The following MCC variants were observed in gnomAD, a reference collection of about 807,000 sequenced individuals.
MCC encodes the protein colorectal mutant cancer protein.
Under a neutral mutation model 116.2 loss-of-function variants are expected in MCC, and 90 were observed. The ratio of observed to expected loss-of-function variants is 0.77; its 90% confidence interval spans 0.65 to 0.92. The LOEUF is 0.92. MCC is among the 40% of genes least tolerant of loss of function. The pLI is 0.00. For missense variants in MCC, 1,516 were observed against 1,312.2 expected, an observed-to-expected ratio of 1.16 and a Z score of -2.40; for synonymous variants, 578 against 510.5, an observed-to-expected ratio of 1.13 and a Z score of -1.78.
intron 3 of MCC, among the ~76,000 whole-genome samples, chr5:113,336,279 A>C (rs1428304888): frequency 1.3e-5 from 2 of 151,730 alleles, no homozygotes; most frequent in African/African-American, 4.9e-5. Flanking sequence ...AAACCATAGC[A>C]GGCACTATGC....
At chr5:113,181,696 C>T (rs140303867) in intron 3 of MCC, among the ~76,000 whole-genome samples, 2 of 152,280 alleles carry the variant, frequency 1.3e-5, no homozygotes, top group African/African-American at 4.8e-5. Flanking sequence ...GAAAATATAA[C>T]AAAAGGCAAA....
chr5:113,217,408 ATTAAG>A (rs1419595421), intron 3 of MCC, among the ~76,000 whole-genome samples: 1 of 152,230 alleles, frequency 6.6e-6, no homozygotes, highest in Non-Finnish European at 1.5e-5. Flanking sequence ...AAAGGACAAT[ATTAAG>A]TTGATTTTTT....
At chr5:113,054,547 C>T (rs557063754) in intron 14 of MCC, among the ~76,000 whole-genome samples, 5 of 152,300 alleles carry the variant, frequency 3.3e-5, no homozygotes, top group East Asian at 3.9e-4. Context: ...CTGTGGCAGC[C>T]GTCCCTGCGG....
At chr5:113,290,698 C>G (rs761705421) in intron 3 of MCC, among the ~76,000 whole-genome samples, 40 of 152,134 alleles carry the variant, frequency 2.6e-4, no homozygotes, top group Non-Finnish European at 3.8e-4. Context: ...GTCACGACCA[C>G]GAAGAATATG....
chr5:113,027,236 C>A lies in MCC; in HGVS notation c.*66G>T. ...CCTCCTCCCAACAAGTACATGGGCC[C>A]TTCTGTCCCCAGTGGCCTGCTGCAG... On this transcript the variant is annotated 3_prime_UTR_variant, in exon 19 of 19. Transcript: ENST00000408903. 7 of 1,549,298 alleles carry A rather than the reference C, an allele frequency of 4.5e-6. No individual in the cohort carries two copies. The highest frequency in any genetic ancestry group is 1.8e-4 in the Middle Eastern group (1 of 5,512).
chr5:113,248,813 C>T (rs1764668401), intron 3 of MCC, among the ~76,000 whole-genome samples: 1 of 150,558 alleles, frequency 6.6e-6, no homozygotes, highest in Admixed American at 6.7e-5. Context: ...GCTGCATGTG[C>T]TCTCATTCTC....
intron 1 of MCC, among the ~76,000 whole-genome samples, chr5:113,447,312 C>G (rs900387535): frequency 1.3e-5 from 2 of 152,186 alleles, no homozygotes; most frequent in African/African-American, 4.8e-5. Context: ...TTAGTTGAAG[C>G]ATATGGCTGC....
intron 17 of MCC, among the ~76,000 whole-genome samples, chr5:113,042,305 CAAA>C (rs59401267): frequency 1.8e-4 from 16 of 89,480 alleles, no homozygotes; most frequent in Admixed American, 5.1e-4. Context: ...GACCCTGTCT[CAAA>C]AAAAAAAAAA....
chr5:113,323,499 C>G (rs1767476501), intron 3 of MCC, among the ~76,000 whole-genome samples: 1 of 152,104 alleles, frequency 6.6e-6, no homozygotes, highest in Non-Finnish European at 1.5e-5. Context: ...GTAGGAAGAA[C>G]AGCATTCCCA....
chr5:113,133,918 C>A (rs950533202), intron 5 of MCC, among the ~76,000 whole-genome samples: 3 of 152,158 alleles, frequency 2.0e-5, no homozygotes, highest in Non-Finnish European at 2.9e-5. Flanking sequence ...CTATTCAGAT[C>A]TTTCGCTAAT....
intron 11 of MCC, among the ~76,000 whole-genome samples, chr5:113,073,995 C>T (rs530432177): frequency 8.5e-4 from 130 of 152,372 alleles, no homozygotes; most frequent in African/African-American, 3.1e-3. Context: ...CTTCTGCAGA[C>T]TTAAAAGTCC....
chr5:113,375,416 T>C (rs1488533550), intron 2 of MCC, among the ~76,000 whole-genome samples: 2 of 152,170 alleles, frequency 1.3e-5, no homozygotes, highest in African/African-American at 4.8e-5. Context: ...TAAGGATAAT[T>C]CTCTATGTGT....
chr5:113,209,484 T>C (rs1763042691), intron 3 of MCC, among the ~76,000 whole-genome samples: 1 of 152,204 alleles, frequency 6.6e-6, no homozygotes, highest in African/African-American at 2.4e-5. Context: ...ACAGAATGCA[T>C]ACACTTTATT....
At chr5:113,140,964 G>A (rs893093479) in intron 5 of MCC, among the ~76,000 whole-genome samples, 16 of 152,198 alleles carry the variant, frequency 1.1e-4, no homozygotes, top group African/African-American at 2.2e-4. Context: ...ATGTTAAAGC[G>A]TTGTTTCTAG....
intron 5 of MCC, among the ~76,000 whole-genome samples, chr5:113,127,620 TC>T (rs1448576157): frequency 3.9e-5 from 6 of 152,364 alleles, no homozygotes; most frequent in African/African-American, 1.4e-4. Context: ...GAGCTTTTTT[TC>T]ATATGCTTGT....
At chr5:113,143,556 T>C (rs568360323) in intron 4 of MCC, among the ~76,000 whole-genome samples, 196 bp from the exon 5 acceptor site, 2 of 152,324 alleles carry the variant, frequency 1.3e-5, no homozygotes, top group African/African-American at 2.4e-5. Context: ...CAGTGGATAC[T>C]GGAGTCTTTG....
At chr5:113,266,598 GGGA>G (rs1765426380) in intron 3 of MCC, among the ~76,000 whole-genome samples, 1 of 152,108 alleles carries the variant, frequency 6.6e-6, no homozygotes. Flanking sequence ...TGCAGTGATG[GGGA>G]GAACTCCTAC....
At chr5:113,350,597 G>A (rs1480570917) in intron 2 of MCC, among the ~76,000 whole-genome samples, 11 of 152,046 alleles carry the variant, frequency 7.2e-5, no homozygotes, top group African/African-American at 2.7e-4. Flanking sequence ...AGAAAACTTT[G>A]AGGAAACTCT....
chr5:113,073,319 G>T (rs570980624), intron 11 of MCC, among the ~76,000 whole-genome samples: 20 of 152,286 alleles, frequency 1.3e-4, no homozygotes, highest in African/African-American at 4.3e-4. Context: ...GCCCCATCCT[G>T]CCAGAGCTGC....
Sources: allele counts gnomAD v4.1 joint callset (sites outside exome capture counted in the v4.1 genomes callset), GRCh38; gene constraint gnomAD v4.1.1; transcripts MANE v1.5; gene names NCBI Gene and HGNC (gene_info 2026-07-23, HGNC 2026-07-21).